Variants in ZDBF2 observed in about 807,000 individuals in gnomAD.
The protein encoded by ZDBF2 is DBF4-type zinc finger-containing protein 2.
ZDBF2 carries 6 observed loss-of-function variants against 9.4 expected under a neutral mutation model. The ratio of observed to expected loss-of-function variants is 0.64; its 90% CI spans 0.35 to 1.27. ZDBF2 has a LOEUF of 1.27. Ranked by LOEUF, ZDBF2 falls within the 50% of genes most tolerant of loss-of-function variation. The pLI is 0.03. For synonymous variants in ZDBF2, 905 were observed against 946.3 expected (o/e 0.96, Z 0.80); for missense variants, 2,697 against 2,766.8 (o/e 0.97, Z 0.57).
chr2:206,297,195 A>G, intron 3 of ZDBF2, 51 bp from the exon 4 acceptor site: 1 of 721,152 alleles, frequency 1.4e-6, no homozygotes, highest in Non-Finnish European at 2.3e-6. Flanking sequence ...TCGAACTCTC[A>G]CTACTGAATA....
At chr2:206,291,686 T>C (rs1691907789) in intron 3 of ZDBF2, among the ~76,000 whole-genome samples, 1 of 152,222 alleles carries the variant, frequency 6.6e-6, no homozygotes. Flanking sequence ...GGTTTTCAGA[T>C]GTTAAACTTA....
chr2:206,289,719 G>A (rs1691789487), intron 3 of ZDBF2, among the ~76,000 whole-genome samples: 1 of 152,186 alleles, frequency 6.6e-6, no homozygotes, highest in African/African-American at 2.4e-5. Context: ...GGAACACAGT[G>A]GTGTTGACCC....
At chr2:206,277,995 T>C (rs1691115034) in intron 1 of ZDBF2, among the ~76,000 whole-genome samples, 1 of 152,148 alleles carries the variant, frequency 6.6e-6, no homozygotes, top group Admixed American at 6.6e-5. Flanking sequence ...CTCTATTTTC[T>C]CCTATTTTAT....
At chr2:206,275,032 C>T (rs1690905886) in intron 1 of ZDBF2, 86 bp downstream of exon 1, 1 of 150,952 alleles carries the variant, frequency 6.6e-6, no homozygotes, top group South Asian at 2.1e-4. Context: ...CGCCTTCTTC[C>T]CGAGGGACGC....
rs768927094 is a variant in ZDBF2, at chr2:206,307,072, TAAA to T, written c.2545_2547del (p.Lys849del). ...GAAATGATCACCCTGAAGTAGCTGT[TAAA>T]GAAGTAATTCAGAAAGAAGAGTACA... On this transcript the variant is annotated inframe_deletion, in exon 5 of 5. Coordinates refer to ENST00000374423, the MANE Select transcript of ZDBF2 (RefSeq NM_020923.3). 30 of 1,611,818 alleles carry T rather than the reference TAAA, an allele frequency of 1.9e-5. No homozygotes were observed. Among genetic ancestry groups the T allele is most frequent in the Non-Finnish European group, 2.4e-5 (28 of 1,179,300 alleles).
At chr2:206,303,236 T>A (rs894731957) in intron 4 of ZDBF2, among the ~76,000 whole-genome samples, 5 of 152,014 alleles carry the variant, frequency 3.3e-5, no homozygotes, top group African/African-American at 1.2e-4. Flanking sequence ...CTTTTTTTTT[T>A]TTTTTTTAAA....
intron 4 of ZDBF2, among the ~76,000 whole-genome samples, chr2:206,299,443 G>T (rs1692378782): frequency 6.6e-6 from 1 of 151,544 alleles, no homozygotes; most frequent in Non-Finnish European, 1.5e-5. Flanking sequence ...GGCCAAGGTG[G>T]GCTGATGGCT....
At chr2:206,277,473 CA>C (rs1177392870) in intron 1 of ZDBF2, among the ~76,000 whole-genome samples, 1 of 151,772 alleles carries the variant, frequency 6.6e-6, no homozygotes, top group Non-Finnish European at 1.5e-5. Flanking sequence ...TGAACATAGT[CA>C]TTTTTTAAAA....
Position 206,311,639 on chromosome 2 carries a change from T to G in ZDBF2, c.*46T>G. 1 of 1,410,772 alleles carries G rather than the reference T, an allele frequency of 7.1e-7. No homozygotes were observed. Among genetic ancestry groups the G allele is most frequent in the Non-Finnish European group, 9.3e-7 (1 of 1,077,400 alleles). 87.4% of individuals were successfully genotyped at this position (1,410,772 alleles called of 1,614,324 possible). A position where few individuals can be genotyped will look rare whatever the true frequency, so the allele number is the denominator to read the frequency against. On this transcript the variant is annotated 3_prime_UTR_variant, in exon 5 of 5. Transcript: ENST00000374423. ...CTAGTTGAGGATTCAGTACTTCAGT[T>G]GAAATATATTTGGTACTTTGTGCAC...
Position 206,309,666 on chromosome 2 carries a change from G to T in ZDBF2, c.5138G>T (p.Gly1713Val), listed in dbSNP as rs1574423946. 1 of 1,613,850 alleles carries T rather than the reference G, an allele frequency of 6.2e-7. No homozygotes were observed. Residue 1713 changes from glycine (G) to valine (V), a missense_variant, in exon 5 of 5, where the codon GGT becomes GTT. Physicochemically the swap from Gly to Val is moderately radical, Grantham distance 109. Transcript: ENST00000374423. ...TCTAGTGCTTCTGCAGTGGATTTTG[G>T]TGCCTCTTCCAAGTCAGCGCTCCAT... ...CQSSASAVDF[G>V]ASSKSALHRR...
intron 1 of ZDBF2, among the ~76,000 whole-genome samples, chr2:206,278,334 G>A (rs1038771633): frequency 5.3e-5 from 8 of 151,996 alleles, no homozygotes; most frequent in African/African-American, 1.9e-4. Flanking sequence ...GGAGATTTCG[G>A]GAATTAAGTA....
Position 206,304,748 on chromosome 2 carries a change from G to A in ZDBF2, c.220G>A (p.Gly74Arg). The A allele has an allele frequency of 6.2e-7, 1 of 1,612,804 alleles. No homozygotes were observed. Among genetic ancestry groups the A allele is most frequent in the African/African-American group, 1.3e-5 (1 of 74,980 alleles). ...ACAAGATGAGACACATGTGAATACTGGGTCATCGTCTGAAGTGGTGCATTT... is the reference window on the plus strand; with the variant it reads ...ACAAGATGAGACACATGTGAATACTAGGTCATCGTCTGAAGTGGTGCATTT... ...STQDETHVNT[G>R]SSSEVVHLDD... Residue 74 changes from glycine to arginine, a missense_variant, in exon 5 of 5, where the codon GGG (glycine) becomes AGG (arginine). By Grantham distance (125) the Gly-to-Arg change is moderately radical (BLOSUM62 -2). Transcript: ENST00000374423.
Position 206,309,369 on chromosome 2 carries a change from G to T in ZDBF2, c.4841G>T (p.Gly1614Val). Residue 1614 changes from glycine (G) to valine (V), a missense_variant, in exon 5 of 5, where the codon GGA becomes GTA. Coordinates refer to ENST00000374423, the MANE Select transcript of ZDBF2 (RefSeq NM_020923.3). The part of the protein sequence containing the change: ...INRKKDYIIL[G>V]EPSCQSCGSE... ...CGGAAGAAGGACTATATTATTCTGG[G>T]AGAGCCAAGTTGTCAATCTTGTGGT... 1.2e-6 allele frequency: 2 copies of T among 1,613,486 alleles called. No individual in the cohort carries two copies. Among genetic ancestry groups the T allele is most frequent in the Non-Finnish European group, 1.7e-6 (2 of 1,179,744 alleles).
Position 206,306,207 on chromosome 2 carries a change from CA to C in ZDBF2, c.1683del (p.Lys561AsnfsTer32). ...VDRPPVAVTETKLRKKAHTSL... is the reference protein window; with the variant it reads ...VDRPPVAVTEXKLRKKAHTSL... ...AGACCCCCAGTGGCTGTCACAGAAA[CA>C]AAACTTCGGAAGAAGGCTCATACCA... On this transcript the variant is annotated frameshift_variant, in exon 5 of 5. Transcript: ENST00000374423. LOFTEE classifies it low-confidence loss of function (END_TRUNC). 1 of 1,613,492 alleles carries C rather than the reference CA, an allele frequency of 6.2e-7. No individual in the cohort carries two copies. The highest frequency in any genetic ancestry group is 8.5e-7 in the Non-Finnish European group (1 of 1,179,738).
chr2:206,288,561 C>A (rs1691717160), intron 3 of ZDBF2, among the ~76,000 whole-genome samples: 1 of 152,162 alleles, frequency 6.6e-6, no homozygotes, highest in Admixed American at 6.5e-5. Flanking sequence ...GTTGCAGGTG[C>A]TTGGAGTGGT....
Position 206,310,120 on chromosome 2 carries a change from G to A in ZDBF2, c.5592G>A (p.Glu1864=), listed in dbSNP as rs750716878. 1 of 1,613,384 alleles carries A rather than the reference G, an allele frequency of 6.2e-7. No individual in the cohort carries two copies. The highest frequency in any genetic ancestry group is 8.5e-7 in the Non-Finnish European group (1 of 1,179,726). ...ACTGTTACTTTGATGATGACTGTGAGACCAAAAAAGTTTCTTCGAAGGGGA... is the reference window on the plus strand; with the variant it reads ...ACTGTTACTTTGATGATGACTGTGAAACCAAAAAAGTTTCTTCGAAGGGGA... ...RFHCYFDDDC[E]TKKVSSKGKK... Residue 1864 remains glutamate (E), a synonymous_variant, in exon 5 of 5, where the codon GAG becomes GAA. Transcript: ENST00000374423.
chr2:206,293,872 C>T (rs973097746), intron 3 of ZDBF2, among the ~76,000 whole-genome samples: 4 of 152,058 alleles, frequency 2.6e-5, no homozygotes, highest in Non-Finnish European at 5.9e-5. Flanking sequence ...AATTTTATGA[C>T]CCCGAAGTTT....
chr2:206,303,252 C>G (rs2105944600), intron 4 of ZDBF2, among the ~76,000 whole-genome samples: 1 of 143,476 alleles, frequency 7.0e-6, no homozygotes, highest in South Asian at 2.2e-4. Context: ...TTAAACAGGT[C>G]TAGATGTGAT....
Position 206,305,067 on chromosome 2 carries a change from C to T in ZDBF2, c.539C>T (p.Pro180Leu), listed in dbSNP as rs1692702643. 6.2e-7 allele frequency: 1 copy of T among 1,613,786 alleles called. No homozygotes were observed. Among genetic ancestry groups the T allele is most frequent in the African/African-American group, 1.3e-5 (1 of 75,008 alleles). ...ATNNRSNLVR[P>L]PVICNAPASC... is the part of the protein sequence containing the mutation. Reference sequence around the variant, plus strand: ...AATAATAGAAGCAACTTGGTACGCCCCCCAGTGATTTGTAATGCTCCTGCT... The same window carrying T: ...AATAATAGAAGCAACTTGGTACGCCTCCCAGTGATTTGTAATGCTCCTGCT... The change falls in exon 5 of 5, where the codon CCC becomes CTC. Residue 180 changes from proline (P) to leucine (L), a missense_variant. Physicochemically the swap from Pro to Leu is moderately conservative, Grantham distance 98 (BLOSUM62 -3). Transcript: ENST00000374423.
Sources: allele counts gnomAD v4.1 joint callset (sites outside exome capture counted in the v4.1 genomes callset), GRCh38; gene constraint gnomAD v4.1.1; transcripts MANE v1.5; gene names NCBI Gene and HGNC (gene_info 2026-07-23, HGNC 2026-07-21).